The following SEMA5A variants were observed in gnomAD, a reference collection of about 807,000 sequenced individuals.
SEMA5A encodes the protein semaphorin 5A.
SEMA5A carries 55 observed loss-of-function variants against 135.5 expected under a neutral mutation model. The ratio of observed to expected loss-of-function variants is 0.41; its 90% CI spans 0.33 to 0.51. SEMA5A has a LOEUF of 0.51. SEMA5A is among the 20% of genes least tolerant of loss of function. The pLI is 0.37. For missense variants in SEMA5A, 1,290 were observed against 1,419.9 expected (o/e 0.91, Z 1.47); for synonymous variants, 580 against 546.5 (o/e 1.06, Z -0.85).
chr5:9,287,514 T>C (rs1468919168), intron 5 of SEMA5A, among the ~76,000 whole-genome samples: 1 of 152,202 alleles, frequency 6.6e-6, no homozygotes, highest in Non-Finnish European at 1.5e-5. Flanking sequence ...TTTAATCTTA[T>C]CCATTGCAAG....
At chr5:9,521,784 G>A (rs550292920) in intron 1 of SEMA5A, among the ~76,000 whole-genome samples, 44 of 152,200 alleles carry the variant, frequency 2.9e-4, no homozygotes, top group Non-Finnish European at 5.1e-4. Context: ...AATAAAGCAC[G>A]CGCTCCCTGC....
intron 1 of SEMA5A, among the ~76,000 whole-genome samples, chr5:9,533,626 A>G (rs1737581289): frequency 2.0e-5 from 3 of 152,234 alleles, no homozygotes; most frequent in Admixed American, 2.0e-4. Context: ...TTAATGTGGG[A>G]AAAGGAAACA....
intron 2 of SEMA5A, among the ~76,000 whole-genome samples, chr5:9,391,443 T>A (rs1026059180): frequency 2.0e-5 from 3 of 152,154 alleles, no homozygotes; most frequent in African/African-American, 2.4e-5. Context: ...TCTTCATCTC[T>A]ACCTGAGACA....
intron 2 of SEMA5A, among the ~76,000 whole-genome samples, chr5:9,426,124 T>C (rs1757637287): frequency 6.6e-6 from 1 of 152,182 alleles, no homozygotes; most frequent in Admixed American, 6.5e-5. Context: ...TTTGGAAATG[T>C]TGGAAAATCC....
intron 1 of SEMA5A, among the ~76,000 whole-genome samples, chr5:9,457,623 G>C (rs974694186): frequency 6.6e-6 from 1 of 152,072 alleles, no homozygotes; most frequent in African/African-American, 2.4e-5. Flanking sequence ...TAAAAAATAA[G>C]GTATGTTAGA....
intron 2 of SEMA5A, among the ~76,000 whole-genome samples, chr5:9,414,145 A>T (rs1054166387): frequency 1.3e-5 from 2 of 152,330 alleles, no homozygotes; most frequent in African/African-American, 2.4e-5. Flanking sequence ...TACAAATAAC[A>T]CATATAACAT....
At chr5:9,457,260 G>T (rs1351522737) in intron 1 of SEMA5A, among the ~76,000 whole-genome samples, 2 of 152,204 alleles carry the variant, frequency 1.3e-5, no homozygotes, top group Non-Finnish European at 2.9e-5. Flanking sequence ...CTTCTCAAAA[G>T]CTCCTCAGAG....
intron 11 of SEMA5A, among the ~76,000 whole-genome samples, chr5:9,165,608 A>G (rs933869941): frequency 6.6e-6 from 1 of 152,196 alleles, no homozygotes; most frequent in Non-Finnish European, 1.5e-5. Flanking sequence ...CCAGTTGTGC[A>G]TTTGGATTCT....
chr5:9,162,579 T>TAC (rs1560977382), intron 11 of SEMA5A, among the ~76,000 whole-genome samples: 2 of 129,006 alleles, frequency 1.6e-5, no homozygotes, highest in South Asian at 2.5e-4. Context: ...TATATATATA[T>TAC]ATATATACAC....
At chr5:9,289,684 C>T (rs1750981891) in intron 5 of SEMA5A, among the ~76,000 whole-genome samples, 1 of 151,624 alleles carries the variant, frequency 6.6e-6, no homozygotes, top group Non-Finnish European at 1.5e-5. Flanking sequence ...AAAAAAAATC[C>T]AATTACATCA....
chr5:9,308,427 A>G (rs1557879), intron 5 of SEMA5A, among the ~76,000 whole-genome samples: 21,478 of 152,070 alleles, frequency 0.14, 1,610 homozygotes, highest in South Asian at 0.19. Flanking sequence ...CTAGAGCTGC[A>G]TCTGGGATCG....
intron 5 of SEMA5A, among the ~76,000 whole-genome samples, chr5:9,284,081 T>C (rs1401881502): frequency 2.0e-5 from 3 of 148,636 alleles, no homozygotes; most frequent in African/African-American, 7.5e-5. Context: ...AGATGATAGA[T>C]AACAGGTAAT....
At chr5:9,277,046 T>A (rs1369242645) in intron 5 of SEMA5A, among the ~76,000 whole-genome samples, 1 of 151,704 alleles carries the variant, frequency 6.6e-6, no homozygotes, top group Admixed American at 6.6e-5. Context: ...AGGGAGAAAA[T>A]TTTTGCAATC....
At chr5:9,092,023 A>G (rs1414020345) in intron 16 of SEMA5A, among the ~76,000 whole-genome samples, 1 of 152,166 alleles carries the variant, frequency 6.6e-6, no homozygotes, top group Non-Finnish European at 1.5e-5. Flanking sequence ...CAACTATGAT[A>G]CTTTCTATCA....
chr5:9,187,330 G>C (rs1056409749), intron 11 of SEMA5A, among the ~76,000 whole-genome samples: 1 of 152,158 alleles, frequency 6.6e-6, no homozygotes, highest in African/African-American at 2.4e-5. Context: ...CCACAAGTTA[G>C]TTGAGACATG....
At chr5:9,259,384 G>C (rs1749276617) in intron 5 of SEMA5A, among the ~76,000 whole-genome samples, 1 of 151,964 alleles carries the variant, frequency 6.6e-6, no homozygotes, top group African/African-American at 2.4e-5. Flanking sequence ...TCTTAATCCT[G>C]AGTTCTAGTT....
chr5:9,163,915 TG>T (rs947088312), intron 11 of SEMA5A, among the ~76,000 whole-genome samples: 4 of 150,676 alleles, frequency 2.7e-5, no homozygotes, highest in African/African-American at 9.8e-5. Context: ...AATAAATTTC[TG>T]TTGTTTAAGC....
chr5:9,436,578 C>A (rs1232795227), intron 2 of SEMA5A, among the ~76,000 whole-genome samples: 2 of 152,126 alleles, frequency 1.3e-5, no homozygotes, highest in East Asian at 3.9e-4. Context: ...GAATGGTCAC[C>A]AATTATTCAG....
chr5:9,157,965 A>G (rs150903179), intron 11 of SEMA5A, among the ~76,000 whole-genome samples: 1 of 152,286 alleles, frequency 6.6e-6, no homozygotes, highest in Non-Finnish European at 1.5e-5. Flanking sequence ...TTAGTTACTA[A>G]CTTACTTGTT....
Sources: allele counts gnomAD v4.1 joint callset (sites outside exome capture counted in the v4.1 genomes callset), GRCh38; gene constraint gnomAD v4.1.1; transcripts MANE v1.5; gene names NCBI Gene and HGNC (gene_info 2026-07-23, HGNC 2026-07-21).